PPP2R2B: variants seen among roughly 807,000 people sequenced by gnomAD.
PPP2R2B encodes the protein serine/threonine-protein phosphatase 2A 55 kDa regulatory subunit B beta isoform.
Under a neutral mutation model 46.0 loss-of-function variants are expected in PPP2R2B, and 5 were observed. The ratio of observed to expected loss-of-function variants is 0.11; its 90% CI spans 0.06 to 0.23. PPP2R2B has a LOEUF of 0.23. Ranked by LOEUF, PPP2R2B falls within the 10% of genes least tolerant of loss-of-function variation. The pLI, the probability that PPP2R2B is intolerant of heterozygous loss-of-function variation, is 1.00. For synonymous variants in PPP2R2B, 215 were observed against 206.7 expected, an observed-to-expected ratio of 1.04 and a Z score of -0.34; for missense variants, 367 against 575.0, an observed-to-expected ratio of 0.64 and a Z score of 3.70.
chr5:146,784,429 T>C (rs916520656), intron 2 of PPP2R2B, among the ~76,000 whole-genome samples: 1 of 152,302 alleles, frequency 6.6e-6, no homozygotes, highest in South Asian at 2.1e-4. Flanking sequence ...ATAACACTGA[T>C]GGGAAAATTG....
chr5:146,719,493 A>G (rs1780669927), intron 2 of PPP2R2B, among the ~76,000 whole-genome samples: 1 of 152,226 alleles, frequency 6.6e-6, no homozygotes, highest in African/African-American at 2.4e-5. Context: ...TAATATTGGT[A>G]CCATTTTGGA....
intron 2 of PPP2R2B, among the ~76,000 whole-genome samples, chr5:146,736,145 G>C (rs1043901023): frequency 6.6e-6 from 1 of 152,082 alleles, no homozygotes; most frequent in East Asian, 1.9e-4. Context: ...CCTTCACTGG[G>C]CACACATTAT....
intron 5 of PPP2R2B, among the ~76,000 whole-genome samples, chr5:146,675,703 T>A (rs1777663571): frequency 6.6e-6 from 1 of 152,174 alleles, no homozygotes; most frequent in Admixed American, 6.5e-5. Flanking sequence ...TTTGTCTTTG[T>A]CGTTCCTCTG....
intron 5 of PPP2R2B, among the ~76,000 whole-genome samples, chr5:146,653,129 G>A (rs1333823240): frequency 6.6e-6 from 1 of 152,130 alleles, no homozygotes; most frequent in Non-Finnish European, 1.5e-5. Flanking sequence ...AACTCAGGCA[G>A]AGAGAGGCTA....
At chr5:147,030,794 T>C (rs912300110) in intron 1 of PPP2R2B, among the ~76,000 whole-genome samples, 4 of 152,182 alleles carry the variant, frequency 2.6e-5, no homozygotes, top group African/African-American at 9.6e-5. Flanking sequence ...TGTGTTATTT[T>C]TGTCCCCTGT....
At chr5:146,681,497 T>C (rs1778172909) in intron 5 of PPP2R2B, among the ~76,000 whole-genome samples, 1 of 152,222 alleles carries the variant, frequency 6.6e-6, no homozygotes, top group African/African-American at 2.4e-5. Flanking sequence ...GTGGGCTGAA[T>C]GTCTTTCCCA....
chr5:146,680,246 G>T (rs1468602377), intron 5 of PPP2R2B, among the ~76,000 whole-genome samples: 3 of 148,464 alleles, frequency 2.0e-5, no homozygotes, highest in Non-Finnish European at 3.0e-5. Context: ...TCCTTTGTAG[G>T]GACATGGATG....
chr5:146,795,565 CCA>C (rs1756478750), intron 2 of PPP2R2B, among the ~76,000 whole-genome samples: 1 of 152,000 alleles, frequency 6.6e-6, no homozygotes, highest in Non-Finnish European at 1.5e-5. Context: ...CTAATAAATT[CCA>C]GAGACCTAAT....
chr5:146,775,677 G>T (rs1382916067), intron 2 of PPP2R2B, among the ~76,000 whole-genome samples: 5 of 152,084 alleles, frequency 3.3e-5, no homozygotes, highest in Non-Finnish European at 5.9e-5. Flanking sequence ...AAAGGAAGAA[G>T]TAAAACTATC....
At chr5:146,622,082 C>G (rs184908343) in intron 7 of PPP2R2B, among the ~76,000 whole-genome samples, 23 of 152,294 alleles carry the variant, frequency 1.5e-4, no homozygotes, top group Non-Finnish European at 2.6e-4. Context: ...GCTACCTCTC[C>G]TACAGGCCTG....
At chr5:146,829,010 G>A (rs559576853) in intron 2 of PPP2R2B, among the ~76,000 whole-genome samples, 1 of 152,148 alleles carries the variant, frequency 6.6e-6, no homozygotes, top group African/African-American at 2.4e-5. Flanking sequence ...AGAAGAACGG[G>A]TAAGTGAGCT....
intron 1 of PPP2R2B, among the ~76,000 whole-genome samples, chr5:146,935,924 G>T (rs553757219): frequency 1.3e-5 from 2 of 152,212 alleles, no homozygotes; most frequent in Non-Finnish European, 2.9e-5. Context: ...CCACTTCTAA[G>T]ACTCATTTTC....
At chr5:146,798,490 C>T (rs932042745) in intron 2 of PPP2R2B, among the ~76,000 whole-genome samples, 10 of 152,214 alleles carry the variant, frequency 6.6e-5, no homozygotes, top group African/African-American at 2.4e-4. Context: ...ATACAGCACT[C>T]ACCAGCATAC....
intron 1 of PPP2R2B, among the ~76,000 whole-genome samples, chr5:147,044,091 A>G (rs950742707): frequency 2.0e-5 from 3 of 152,116 alleles, no homozygotes; most frequent in Admixed American, 6.6e-5. Context: ...AGCCACCTAA[A>G]TGCTTATTAC....
intron 2 of PPP2R2B, among the ~76,000 whole-genome samples, chr5:146,846,094 A>T (rs1318846653): frequency 6.6e-6 from 1 of 152,248 alleles, no homozygotes; most frequent in African/African-American, 2.4e-5. Context: ...AATTAATTTT[A>T]TCTGGCCAGG....
intron 1 of PPP2R2B, among the ~76,000 whole-genome samples, chr5:146,945,520 C>T (rs1475473738): frequency 6.6e-6 from 1 of 152,136 alleles, no homozygotes; most frequent in Non-Finnish European, 1.5e-5. Context: ...TATTGACTAC[C>T]TTGCTCCCCA....
chr5:146,732,055 G>A (rs551944765), intron 2 of PPP2R2B, among the ~76,000 whole-genome samples: 1 of 152,278 alleles, frequency 6.6e-6, no homozygotes, highest in South Asian at 2.1e-4. Flanking sequence ...TTGATGGAAT[G>A]TAGGGATATT....
chr5:146,638,101 G>T, intron 7 of PPP2R2B, 150 bp downstream of exon 7: 1 of 659,956 alleles, frequency 1.5e-6, no homozygotes, highest in Non-Finnish European at 2.3e-6. Flanking sequence ...CATCTTTACT[G>T]AAATATAAAA....
intron 1 of PPP2R2B, among the ~76,000 whole-genome samples, chr5:146,992,542 T>A (rs780364272): frequency 6.6e-6 from 1 of 152,150 alleles, no homozygotes; most frequent in African/African-American, 2.4e-5. Flanking sequence ...GTAGCGACAG[T>A]TCTGACTCTC....
Sources: gnomAD v4.1 joint callset for allele counts (sites outside exome capture counted in the v4.1 genomes callset) on GRCh38, gnomAD v4.1.1 for gene constraint, MANE v1.5 for transcripts, NCBI Gene and HGNC (gene_info 2026-07-23, HGNC 2026-07-21) for gene names.